The following ERBB4 variants were observed in gnomAD, a reference collection of about 807,000 sequenced individuals.
ERBB4 encodes the protein receptor tyrosine-protein kinase erbB-4.
Under a neutral mutation model 158.0 loss-of-function variants are expected in ERBB4, and 42 were observed. That is an observed-to-expected ratio of 0.27 (90% CI 0.21 to 0.34). The LOEUF is 0.34. Among genes scored for constraint, ERBB4 ranks in the 10% least tolerant of loss-of-function variants. The probability of loss-of-function intolerance (pLI) is 1.00; values close to 1 mark genes in which losing one functional copy is unlikely to be tolerated. For missense variants in ERBB4, 1,333 were observed against 1,624.1 expected (o/e 0.82, Z 3.08); for synonymous variants, 583 against 558.7 (o/e 1.04, Z -0.61).
chr2:212,149,033 G>A (rs1311854793), intron 1 of ERBB4, among the ~76,000 whole-genome samples: 1 of 109,370 alleles, frequency 9.1e-6, no homozygotes, highest in East Asian at 3.4e-4. Flanking sequence ...GGGGAGGGGG[G>A]AGGGATAGCA....
rs549798740 is a variant in ERBB4, at chr2:211,704,093, T to A, written c.1289+11A>T. ...TCTGTGAGCCCTGCAGCTTTAAACA[T>A]ATCCACTTACCTATAGAGTACTCTT... On this transcript the variant is annotated intron_variant, in intron 11 of 27. Coordinates refer to ENST00000342788, the MANE Select transcript of ERBB4 (RefSeq NM_005235.3). 1.3e-6 allele frequency: 2 copies of A among 1,498,996 alleles called. No individual in the cohort carries two copies. Among genetic ancestry groups the A allele is most frequent in the East Asian group, 2.3e-5 (1 of 44,284 alleles). The allele number at this position is 1,498,996 out of a possible 1,614,324, so 92.9% of individuals were successfully genotyped here. A position where few individuals can be genotyped will look rare whatever the true frequency, so the allele number is the denominator to read the frequency against.
At chr2:212,408,845 G>A (rs962129497) in intron 1 of ERBB4, among the ~76,000 whole-genome samples, 1 of 152,044 alleles carries the variant, frequency 6.6e-6, no homozygotes, top group Non-Finnish European at 1.5e-5. Context: ...AAGTTTACAG[G>A]AATTTCTTCT....
chr2:211,442,496 T>C (rs1201222281), intron 20 of ERBB4, among the ~76,000 whole-genome samples: 2 of 152,078 alleles, frequency 1.3e-5, no homozygotes, highest in Non-Finnish European at 2.9e-5. Flanking sequence ...TAAATCAAAG[T>C]TTTTTTATGA....
At chr2:211,682,037 C>G (rs10179515) in intron 12 of ERBB4, among the ~76,000 whole-genome samples, 86,614 of 146,650 alleles carry the variant, frequency 0.59, 26,426 homozygotes, top group African/African-American at 0.64. Context: ...ACCATTAAGA[C>G]ATTTTATACA....
In ERBB4 at chr2:212,286,604, T is replaced by TTTTGTTTTG. The variant is rs1194555276; in HGVS notation, c.83-161702_83-161701insCAAAACAAA. ...TTACATAAGTGCTGACTTTTTTTTT[T>TTTTGTTTTG]TTTTTTTTTTTTTTTTGACACAGAG... is the stretch of plus-strand genomic sequence containing the variant. On this transcript the variant is annotated intron_variant, in intron 1 of 27. Transcript: ENST00000342788. Among the ~76,000 whole-genome samples the TTTTGTTTTG allele has an allele frequency of 4.1e-4, 53 of 129,562 alleles. 1 individual carries two copies. The highest frequency in any genetic ancestry group is 8.8e-4 in the East Asian group (4 of 4,550). 85.0% of individuals were successfully genotyped at this position (129,562 alleles called of 152,430 possible).
intron 19 of ERBB4, among the ~76,000 whole-genome samples, chr2:211,583,145 G>A (rs2068153866): frequency 6.6e-6 from 1 of 152,022 alleles, no homozygotes; most frequent in Admixed American, 6.6e-5. Flanking sequence ...AGTGGACAGT[G>A]TATTTTTCAG....
intron 1 of ERBB4, among the ~76,000 whole-genome samples, chr2:212,499,366 C>T (rs1428798815): frequency 8.6e-5 from 13 of 151,856 alleles, no homozygotes; most frequent in Admixed American, 6.6e-4. Flanking sequence ...TTAGGTAGTA[C>T]CAACTTAATG....
At chr2:212,382,474 T>C (rs1322847830) in intron 1 of ERBB4, among the ~76,000 whole-genome samples, 1 of 150,940 alleles carries the variant, frequency 6.6e-6, no homozygotes. Context: ...TATATTTATA[T>C]AGTTCACATT....
Position 212,179,862 on chromosome 2 carries a change from C to A in ERBB4, c.83-54959G>T, listed in dbSNP as rs2081800946. Reference sequence around the variant, plus strand: ...GTCTCCCAAATCTTCATACATTTCTCACATTATTTATTTTTCATGATATTG... The same window carrying A: ...GTCTCCCAAATCTTCATACATTTCTAACATTATTTATTTTTCATGATATTG... On this transcript the variant is annotated intron_variant, in intron 1 of 27. Coordinates refer to ENST00000342788, the MANE Select transcript of ERBB4 (RefSeq NM_005235.3). 2.0e-5 allele frequency among the ~76,000 whole-genome samples: 3 copies of A among 151,714 alleles called. No homozygotes were observed. In the South Asian group the frequency reaches 6.2e-4, roughly 31 times the overall value.
chr2:212,013,463 C>T (rs2076438838), intron 2 of ERBB4, among the ~76,000 whole-genome samples: 1 of 152,124 alleles, frequency 6.6e-6, no homozygotes, highest in Non-Finnish European at 1.5e-5. Context: ...CCTCAAAGTT[C>T]ATGCCCACAG....
intron 3 of ERBB4, among the ~76,000 whole-genome samples, chr2:211,926,303 A>G (rs1040222461): frequency 6.6e-6 from 1 of 152,172 alleles, no homozygotes; most frequent in African/African-American, 2.4e-5. Context: ...TACTTTAAAC[A>G]TCTGATTTGG....
intron 1 of ERBB4, among the ~76,000 whole-genome samples, chr2:212,481,614 T>C (rs1689701903): frequency 6.6e-6 from 1 of 152,114 alleles, no homozygotes; most frequent in Admixed American, 6.6e-5. Flanking sequence ...AAAACAACAA[T>C]ATATTTGCAA....
At chr2:211,715,070 A>G (rs2073847937) in intron 7 of ERBB4, among the ~76,000 whole-genome samples, 6 of 152,330 alleles carry the variant, frequency 3.9e-5, no homozygotes, top group Middle Eastern at 3.4e-3. Context: ...AAGCACAGAG[A>G]CAAGAGAAAA....
intron 20 of ERBB4, among the ~76,000 whole-genome samples, chr2:211,507,117 G>T (rs1374202331): frequency 6.6e-6 from 1 of 152,078 alleles, no homozygotes; most frequent in Non-Finnish European, 1.5e-5. Flanking sequence ...AGATGAAATG[G>T]ATGAATTTCT....
At chr2:211,903,551 A>G (rs2079295577) in intron 3 of ERBB4, among the ~76,000 whole-genome samples, 1 of 152,056 alleles carries the variant, frequency 6.6e-6, no homozygotes, top group Non-Finnish European at 1.5e-5. Context: ...TTTTCTAAAT[A>G]TCCTTCATCT....
chr2:211,572,437 G>A (rs1359205207), intron 19 of ERBB4, among the ~76,000 whole-genome samples: 2 of 152,002 alleles, frequency 1.3e-5, no homozygotes, highest in African/African-American at 4.8e-5. Context: ...ACCCTGCCAC[G>A]TGCTCAGTGA....
At chr2:212,369,902 C>T (rs964163963) in intron 1 of ERBB4, among the ~76,000 whole-genome samples, 8 of 151,938 alleles carry the variant, frequency 5.3e-5, no homozygotes, top group Non-Finnish European at 1.0e-4. Context: ...TTTTGCTTCA[C>T]GTCTTGTAAA....
At chr2:211,935,223 T>G (rs1293061336) in intron 3 of ERBB4, among the ~76,000 whole-genome samples, 5 of 152,190 alleles carry the variant, frequency 3.3e-5, no homozygotes, top group African/African-American at 1.2e-4. Flanking sequence ...CCTACAGTGA[T>G]GGTTAACTTT....
At chr2:211,556,715 G>C (rs2067246118) in intron 20 of ERBB4, among the ~76,000 whole-genome samples, 1 of 151,834 alleles carries the variant, frequency 6.6e-6, no homozygotes, top group Non-Finnish European at 1.5e-5. Flanking sequence ...ATGAAATTCA[G>C]GACCAAGAAA....
Sources: allele counts gnomAD v4.1 joint callset (sites outside exome capture counted in the v4.1 genomes callset), GRCh38; gene constraint gnomAD v4.1.1; transcripts MANE v1.5; gene names NCBI Gene and HGNC (gene_info 2026-07-23, HGNC 2026-07-21).